Variants in TVP23A observed in about 807,000 individuals in gnomAD.
TVP23A encodes the protein Golgi apparatus membrane protein TVP23 homolog A.
In TVP23A, 21 loss-of-function variants were observed where a neutral mutation model predicts 31.7. That is an observed-to-expected ratio of 0.66 (90% CI 0.47 to 0.95). The LOEUF (loss-of-function observed/expected upper bound fraction) is 0.95, where lower values mean the gene tolerates loss of function less well. Among genes scored for constraint, TVP23A ranks in the 40% least tolerant of loss-of-function variants. The pLI is 0.00. For synonymous variants in TVP23A, 104 were observed against 96.0 expected, an observed-to-expected ratio of 1.08 and a Z score of -0.49; for missense variants, 279 against 255.6, an observed-to-expected ratio of 1.09 and a Z score of -0.62.
chr16:10,818,773 G>C lies in TVP23A; in HGVS notation c.-280C>G, dbSNP rs567220023. 8 of 476,648 alleles carry C rather than the reference G, an allele frequency of 1.7e-5. No individual in the cohort carries two copies. The highest frequency in any genetic ancestry group is 1.0e-4 in the African/African-American group (5 of 48,484). 29.5% of individuals were successfully genotyped at this position (476,648 alleles called of 1,614,324 possible). On this transcript the variant is annotated 5_prime_UTR_variant, in exon 1 of 8. Transcript: ENST00000299866. This position sits in a 1 kb window ranked among gnomAD's most constrained non-coding sequence, Gnocchi z 4.7. Reference sequence around the variant, plus strand: ...GGGAGGCAACGGCCTGGGGAACTGCGGACAGAGATAGTGGGAGGAATGGGA... The same window carrying C: ...GGGAGGCAACGGCCTGGGGAACTGCCGACAGAGATAGTGGGAGGAATGGGA...
downstream of TVP23A, among the ~76,000 whole-genome samples, chr16:10,762,668 C>A (rs2030142806): frequency 6.6e-6 from 1 of 152,088 alleles, no homozygotes; most frequent in South Asian, 2.1e-4. Flanking sequence ...GGCCGGGATC[C>A]AGGAGTGCCG....
chr16:10,771,853 C>G, intron 5 of TVP23A, 55 bp from the exon 6 acceptor site: 4 of 1,538,950 alleles, frequency 2.6e-6, no homozygotes, highest in Non-Finnish European at 3.5e-6. Context: ...GAGTTTCGCT[C>G]TGTCGCCCAG....
At chr16:10,793,024 C>G (rs183379704) in intron 2 of TVP23A, among the ~76,000 whole-genome samples, 1 of 152,250 alleles carries the variant, frequency 6.6e-6, no homozygotes, top group Non-Finnish European at 1.5e-5. Flanking sequence ...CATGGTGGCT[C>G]CTGCCTGTAA....
downstream of TVP23A, among the ~76,000 whole-genome samples, chr16:10,765,326 T>C (rs934016473): frequency 9.8e-5 from 10 of 102,362 alleles, no homozygotes; most frequent in Non-Finnish European, 1.2e-4. This position sits in a 1 kb window ranked among gnomAD's most constrained non-coding sequence, Gnocchi z 4.0. Context: ...ACCTCATCTC[T>C]TAAAAAAAAA....
chr16:10,773,918 G>C (rs981415300), intron 4 of TVP23A, 121 bp downstream of exon 4: 6 of 766,870 alleles, frequency 7.8e-6, no homozygotes, highest in Non-Finnish European at 1.3e-5. Context: ...AGAGCACCTT[G>C]GCAATGGTGG....
chr16:10,775,418 C>CA (rs1477940423), intron 2 of TVP23A: 1 of 1,130,318 alleles, frequency 8.8e-7, no homozygotes, highest in East Asian at 5.8e-5. Context: ...TCACTGCCTT[C>CA]CCGCCTAGCA....
intron 2 of TVP23A, chr16:10,775,398 G>A (rs561522291): frequency 2.1e-5 from 24 of 1,154,184 alleles, no homozygotes; most frequent in South Asian, 4.9e-5. Flanking sequence ...GAAGTGAAAC[G>A]TGACAGCAGT....
intron 2 of TVP23A, among the ~76,000 whole-genome samples, chr16:10,797,952 T>TTCC: frequency 6.7e-6 from 1 of 148,820 alleles, no homozygotes; most frequent in Non-Finnish European, 1.5e-5. Flanking sequence ...ATTTTTTCTT[T>TTCC]TTCTTTTTTT....
chr16:10,815,499 T>C (rs2034398346), intron 2 of TVP23A, among the ~76,000 whole-genome samples: 1 of 152,220 alleles, frequency 6.6e-6, no homozygotes, highest in Non-Finnish European at 1.5e-5. Context: ...CCAGTGGTTT[T>C]CAACCGGGGG....
At chr16:10,790,810 T>C (rs1265979922) in intron 2 of TVP23A, among the ~76,000 whole-genome samples, 1 of 152,216 alleles carries the variant, frequency 6.6e-6, no homozygotes, top group East Asian at 1.9e-4. Context: ...CTTCAATTTC[T>C]TTCAGGGCCT....
At chr16:10,757,347 AT>A (rs2142723670), downstream of TVP23A, among the ~76,000 whole-genome samples, 1 of 152,280 alleles carries the variant, frequency 6.6e-6, no homozygotes, top group East Asian at 1.9e-4. This position sits in a 1 kb window ranked among gnomAD's most constrained non-coding sequence, Gnocchi z 4.1. Flanking sequence ...ATAGTGGCTT[AT>A]TTGGGTCAGA....
At chr16:10,792,817 C>T (rs1382543671) in intron 2 of TVP23A, among the ~76,000 whole-genome samples, 9 of 152,200 alleles carry the variant, frequency 5.9e-5, no homozygotes, top group South Asian at 2.1e-4. Flanking sequence ...ACATCTGAGC[C>T]GGGAGGTCAG....
chr16:10,769,060 T>A lies in TVP23A; in HGVS notation c.*42A>T. On this transcript the variant is annotated 3_prime_UTR_variant, in exon 8 of 8. Transcript: ENST00000299866. ...CTTGTTTTCCAGGAATCCAAGAGTT[T>A]TGTAATCTCCATCAGTCAAAAGAAG... 6.2e-7 allele frequency: 1 copy of A among 1,614,018 alleles called. No individual in the cohort carries two copies.
chr16:10,781,823 G>A (rs115627810), intron 2 of TVP23A, among the ~76,000 whole-genome samples: 2,172 of 145,724 alleles, frequency 0.015, 49 homozygotes, highest in African/African-American at 0.052. Context: ...TCCAGAACAC[G>A]CAGCCCTCCT....
At chr16:10,807,122 G>A (rs958096417) in intron 2 of TVP23A, among the ~76,000 whole-genome samples, 2 of 152,160 alleles carry the variant, frequency 1.3e-5, no homozygotes, top group Non-Finnish European at 2.9e-5. Context: ...CAGGGGACAG[G>A]GGTCTGGATA....
chr16:10,774,805 T>C (rs2031886791), intron 3 of TVP23A, 147 bp downstream of exon 3: 1 of 681,222 alleles, frequency 1.5e-6, no homozygotes, highest in Non-Finnish European at 2.4e-6. Context: ...GAGACGGGGT[T>C]TCTCCATTCC....
chr16:10,806,461 G>T (rs2033949441), intron 2 of TVP23A, among the ~76,000 whole-genome samples: 1 of 152,140 alleles, frequency 6.6e-6, no homozygotes, highest in Non-Finnish European at 1.5e-5. Flanking sequence ...CAGATTATGT[G>T]GGTCACAGGT....
chr16:10,778,630 C>T (rs2032224281), intron 2 of TVP23A, among the ~76,000 whole-genome samples: 1 of 150,476 alleles, frequency 6.6e-6, no homozygotes, highest in South Asian at 2.1e-4. Flanking sequence ...TCACTGGAAA[C>T]ATCTGTCCTC....
chr16:10,812,471 A>T (rs2143006022), intron 2 of TVP23A, among the ~76,000 whole-genome samples: 1 of 152,368 alleles, frequency 6.6e-6, no homozygotes, highest in South Asian at 2.1e-4. Context: ...CATTCATTGC[A>T]GTACTGTTCT....
Sources: gnomAD v4.1 joint callset for allele counts (sites outside exome capture counted in the v4.1 genomes callset) on GRCh38, gnomAD v4.1.1 for gene constraint, Gnocchi (gnomAD v3.1) non-coding constraint, MANE v1.5 for transcripts, NCBI Gene and HGNC (gene_info 2026-07-23, HGNC 2026-07-21) for gene names.